The following CTNNA3 variants were observed in gnomAD, a reference collection of about 807,000 sequenced individuals.
CTNNA3 encodes catenin alpha 3, also known as catenin alpha-3.
CTNNA3 carries 76 observed loss-of-function variants against 95.7 expected under a neutral mutation model. That is an observed-to-expected ratio of 0.79 (90% CI 0.66 to 0.96). The LOEUF (loss-of-function observed/expected upper bound fraction) is 0.96. Ranked by LOEUF, CTNNA3 falls within the 40% of genes least tolerant of loss-of-function variation. The pLI, the probability that CTNNA3 is intolerant of heterozygous loss-of-function variation, is 0.00. For missense variants in CTNNA3, 1,191 were observed against 1,089.8 expected, an observed-to-expected ratio of 1.09 and a Z score of -1.31; for synonymous variants, 431 against 374.4, an observed-to-expected ratio of 1.15 and a Z score of -1.74.
intron 13 of CTNNA3, among the ~76,000 whole-genome samples, chr10:66,155,196 TAGAG>T (rs1210418036): frequency 6.6e-6 from 1 of 151,808 alleles, no homozygotes; most frequent in Non-Finnish European, 1.5e-5. Flanking sequence ...ACTCATAACT[TAGAG>T]AGAACTCTTG....
At chr10:66,819,908 G>A (rs1842241064) in intron 7 of CTNNA3, among the ~76,000 whole-genome samples, 1 of 152,046 alleles carries the variant, frequency 6.6e-6, no homozygotes. Flanking sequence ...GCAGCCACTG[G>A]GGAAAACAGT....
At chr10:66,976,743 C>G (rs151086898) in intron 7 of CTNNA3, among the ~76,000 whole-genome samples, 63 of 152,252 alleles carry the variant, frequency 4.1e-4, no homozygotes, top group African/African-American at 1.5e-3. Flanking sequence ...GTGCTGTTTT[C>G]TCATTATTCA....
chr10:67,673,149 T>C (rs1241928415), intron 1 of CTNNA3, among the ~76,000 whole-genome samples: 2 of 151,728 alleles, frequency 1.3e-5, no homozygotes, highest in African/African-American at 4.9e-5. Flanking sequence ...ACTCATGATT[T>C]GGCTCTCTGT....
intron 3 of CTNNA3, among the ~76,000 whole-genome samples, chr10:67,568,015 C>T (rs905529591): frequency 3.3e-5 from 5 of 152,120 alleles, no homozygotes; most frequent in African/African-American, 9.7e-5. Flanking sequence ...ACTTGCCCCA[C>T]TTTGCATGGC....
chr10:67,625,125 T>A (rs1838910587), intron 2 of CTNNA3, among the ~76,000 whole-genome samples: 1 of 152,172 alleles, frequency 6.6e-6, no homozygotes, highest in African/African-American at 2.4e-5. Context: ...CGGAGGTACC[T>A]AAGATATTAA....
At chr10:66,372,300 T>G (rs2092760290) in intron 12 of CTNNA3, among the ~76,000 whole-genome samples, 1 of 152,152 alleles carries the variant, frequency 6.6e-6, no homozygotes, top group South Asian at 2.1e-4. Flanking sequence ...AATTAGTCAT[T>G]TTACAGAAAT....
intron 6 of CTNNA3, among the ~76,000 whole-genome samples, chr10:67,214,424 A>G (rs750452855): frequency 2.6e-5 from 4 of 151,828 alleles, no homozygotes; most frequent in Non-Finnish European, 5.9e-5. Flanking sequence ...CTATGATTCT[A>G]TCCATCCTAA....
chr10:65,998,773 G>T (rs959912842), intron 15 of CTNNA3, among the ~76,000 whole-genome samples: 5 of 152,146 alleles, frequency 3.3e-5, no homozygotes, highest in African/African-American at 1.2e-4. Flanking sequence ...CCAATAAGAT[G>T]TGTTATTAGA....
chr10:66,167,466 T>G (rs2085194880), intron 13 of CTNNA3, among the ~76,000 whole-genome samples: 1 of 152,208 alleles, frequency 6.6e-6, no homozygotes, highest in African/African-American at 2.4e-5. Context: ...TGAATCGTTT[T>G]AAAAGATTTT....
At chr10:66,572,319 G>T (rs1842892735) in intron 10 of CTNNA3, among the ~76,000 whole-genome samples, 1 of 151,584 alleles carries the variant, frequency 6.6e-6, no homozygotes, top group Non-Finnish European at 1.5e-5. Flanking sequence ...GGAGGCGGAG[G>T]TTACAGTGAG....
In CTNNA3 at chr10:65,913,021, C is replaced by T. The variant is rs965640961; in HGVS notation, c.*7309G>A. ...GCAAGATAGTCAGAAACACCTCAAA[C>T]GCCACTAAACTTAAGTTCCCAAGAT... On this transcript the variant is annotated 3_prime_UTR_variant, in exon 18 of 18. Coordinates refer to ENST00000433211, the MANE Select transcript of CTNNA3 (RefSeq NM_013266.4). 5.9e-5 allele frequency: 9 copies of T among 152,096 alleles called. No individual in the cohort carries two copies. Among genetic ancestry groups the T allele is most frequent in the African/African-American group, 1.7e-4 (7 of 41,428 alleles). 9.4% of individuals were successfully genotyped at this position (152,096 alleles called of 1,614,324 possible).
chr10:66,831,710 C>G (rs1038000533), intron 7 of CTNNA3, among the ~76,000 whole-genome samples: 2 of 151,962 alleles, frequency 1.3e-5, no homozygotes, highest in African/African-American at 4.8e-5. Flanking sequence ...GGGGAAGGAG[C>G]ATGAGATGCA....
chr10:66,466,308 A>G (rs890967187), intron 11 of CTNNA3, among the ~76,000 whole-genome samples: 9 of 147,714 alleles, frequency 6.1e-5, no homozygotes, highest in African/African-American at 2.3e-4. Context: ...ACCCACCTAC[A>G]CCCACACACA....
chr10:65,963,500 C>A (rs2077896163), intron 17 of CTNNA3, among the ~76,000 whole-genome samples: 2 of 152,212 alleles, frequency 1.3e-5, no homozygotes, highest in African/African-American at 4.8e-5. Flanking sequence ...GCCTGCTCTG[C>A]ACATCAAATA....
intron 9 of CTNNA3, among the ~76,000 whole-genome samples, chr10:66,761,981 A>T (rs1378594704): frequency 6.6e-6 from 1 of 152,186 alleles, no homozygotes; most frequent in Non-Finnish European, 1.5e-5. Flanking sequence ...TCAATATTTT[A>T]GAAAGAAAAA....
chr10:67,465,814 A>G (rs1328985940), intron 5 of CTNNA3, among the ~76,000 whole-genome samples: 2 of 152,152 alleles, frequency 1.3e-5, no homozygotes, highest in African/African-American at 2.4e-5. Flanking sequence ...ATTAATAATA[A>G]CCACATGAAA....
chr10:67,510,624 G>T (rs753290299), intron 5 of CTNNA3, among the ~76,000 whole-genome samples: 5 of 152,126 alleles, frequency 3.3e-5, no homozygotes, highest in Admixed American at 6.6e-5. Flanking sequence ...AAGTCAGGTA[G>T]CATGATGCTT....
At chr10:66,267,326 G>A (rs1459685439) in intron 13 of CTNNA3, among the ~76,000 whole-genome samples, 1 of 151,992 alleles carries the variant, frequency 6.6e-6, no homozygotes, top group Non-Finnish European at 1.5e-5. Flanking sequence ...CCGTATCCTT[G>A]CAAATGTGCT....
At chr10:67,594,332 C>T (rs761601806) in intron 3 of CTNNA3, among the ~76,000 whole-genome samples, 4 of 152,080 alleles carry the variant, frequency 2.6e-5, no homozygotes, top group Non-Finnish European at 4.4e-5. Context: ...TGGGTACCAG[C>T]TCTTCTTTAT....
Sources: allele counts gnomAD v4.1 joint callset (sites outside exome capture counted in the v4.1 genomes callset), GRCh38; gene constraint gnomAD v4.1.1; transcripts MANE v1.5; gene names NCBI Gene and HGNC (gene_info 2026-07-23, HGNC 2026-07-21).